Variants in HS6ST3 observed in about 807,000 individuals in gnomAD.
HS6ST3 encodes the protein heparan-sulfate 6-O-sulfotransferase 3.
A neutral mutation model predicts 36.7 loss-of-function variants in HS6ST3; 12 were observed. The ratio of observed to expected loss-of-function variants is 0.33; its 90% CI spans 0.21 to 0.53. HS6ST3 has a LOEUF of 0.53. Ranked by LOEUF, HS6ST3 falls within the 20% of genes least tolerant of loss-of-function variation. The probability of loss-of-function intolerance (pLI) is 0.95; values close to 1 mark genes in which losing one functional copy is unlikely to be tolerated. For synonymous variants in HS6ST3, 240 were observed against 257.5 expected, an observed-to-expected ratio of 0.93 and a Z score of 0.65; for missense variants, 584 against 640.9, an observed-to-expected ratio of 0.91 and a Z score of 0.96.
rs544875574 is a variant in HS6ST3 at position 96,752,061 on chromosome 13, T to C, written c.708-80429T>C. The stretch of plus-strand genomic sequence containing the variant: ...CCTTCCAATGTAACTACTATAACTT[T>C]TAAAAATCATTTCTTGTTTTATAAA... On this transcript the variant is annotated intron_variant, in intron 1 of 1. Transcript: ENST00000376705. Among the ~76,000 whole-genome samples the C allele has an allele frequency of 2.6e-5, 4 of 152,240 alleles. No individual in the cohort carries two copies. The East Asian group carries it at 7.7e-4, about 29-fold the overall frequency.
intron 1 of HS6ST3, among the ~76,000 whole-genome samples, chr13:96,258,835 A>G (rs117275120): frequency 2.0e-5 from 3 of 152,188 alleles, no homozygotes; most frequent in African/African-American, 4.8e-5. Flanking sequence ...AGAAATAGTG[A>G]TGAACGTAGC....
intron 1 of HS6ST3, among the ~76,000 whole-genome samples, chr13:96,514,202 T>C (rs766908050): frequency 1.3e-5 from 2 of 152,132 alleles, no homozygotes; most frequent in South Asian, 2.1e-4. Context: ...GTCATAACCC[T>C]GAGATTCAGT....
chr13:96,198,028 ATCT>A (rs2139349753), intron 1 of HS6ST3, among the ~76,000 whole-genome samples: 1 of 152,258 alleles, frequency 6.6e-6, no homozygotes, highest in African/African-American at 2.4e-5. Context: ...ACTTCCATAC[ATCT>A]TCTGAAATCT....
At chr13:96,571,277 C>T (rs1040856650) in intron 1 of HS6ST3, among the ~76,000 whole-genome samples, 8 of 152,196 alleles carry the variant, frequency 5.3e-5, no homozygotes, top group Admixed American at 1.3e-4. Context: ...CCAGACCATC[C>T]TGCATGTGCA....
intron 1 of HS6ST3, among the ~76,000 whole-genome samples, chr13:96,576,834 C>T (rs2056323235): frequency 6.6e-6 from 1 of 150,698 alleles, no homozygotes; most frequent in Non-Finnish European, 1.5e-5. Flanking sequence ...ATCCCAGCTA[C>T]TCGGGAGCCT....
chr13:96,267,336 G>C (rs1224048993), intron 1 of HS6ST3, among the ~76,000 whole-genome samples: 1 of 152,062 alleles, frequency 6.6e-6, no homozygotes, highest in Non-Finnish European at 1.5e-5. Flanking sequence ...ACATTAACAG[G>C]AAATAGTATT....
intron 1 of HS6ST3, among the ~76,000 whole-genome samples, chr13:96,408,923 C>G (rs959525115): frequency 2.0e-5 from 3 of 147,110 alleles, no homozygotes; most frequent in Non-Finnish European, 4.5e-5. Context: ...GACTCCGTCT[C>G]AAAAAAAAAG....
chr13:96,481,292 T>G (rs1388531676), intron 1 of HS6ST3, among the ~76,000 whole-genome samples: 1 of 152,158 alleles, frequency 6.6e-6, no homozygotes, highest in Non-Finnish European at 1.5e-5. Context: ...AAAAATGTGC[T>G]TGTTAATTTA....
At chr13:96,533,086 A>G (rs2056141984) in intron 1 of HS6ST3, among the ~76,000 whole-genome samples, 1 of 152,206 alleles carries the variant, frequency 6.6e-6, no homozygotes. Context: ...ATTCTCCTTT[A>G]AAGATAAACT....
intron 1 of HS6ST3, among the ~76,000 whole-genome samples, chr13:96,658,256 T>C (rs867194823): frequency 9.6e-5 from 14 of 145,722 alleles, no homozygotes; most frequent in South Asian, 2.2e-4. Context: ...TTCTTCTTCT[T>C]CTCTTCTTCT....
At chr13:96,102,129 T>C (rs960467368) in intron 1 of HS6ST3, among the ~76,000 whole-genome samples, 45 of 152,218 alleles carry the variant, frequency 3.0e-4, no homozygotes, top group African/African-American at 1.1e-3. Flanking sequence ...TTCCTTATTG[T>C]GCCTTCTGTA....
chr13:96,106,696 T>C (rs2053843359), intron 1 of HS6ST3, among the ~76,000 whole-genome samples: 1 of 152,180 alleles, frequency 6.6e-6, no homozygotes, highest in Non-Finnish European at 1.5e-5. Context: ...TACAGGATGG[T>C]TGGTGGAATT....
chr13:96,756,233 A>G (rs1485199467), intron 1 of HS6ST3, among the ~76,000 whole-genome samples: 1 of 152,182 alleles, frequency 6.6e-6, no homozygotes, highest in Admixed American at 6.5e-5. Context: ...AAGGATTTAG[A>G]AAAGTTGTTT....
intron 1 of HS6ST3, among the ~76,000 whole-genome samples, chr13:96,626,247 T>C (rs1486837196): frequency 1.3e-5 from 2 of 152,240 alleles, no homozygotes; most frequent in Non-Finnish European, 1.5e-5. Context: ...GCTACAGTTC[T>C]ATAAAAATAT....
chr13:96,298,138 T>G (rs2054864179), intron 1 of HS6ST3, among the ~76,000 whole-genome samples: 1 of 152,240 alleles, frequency 6.6e-6, no homozygotes, highest in African/African-American at 2.4e-5. Context: ...AGATAATTAC[T>G]GAAATGGTCC....
At chr13:96,256,878 A>G (rs1466619729) in intron 1 of HS6ST3, among the ~76,000 whole-genome samples, 1 of 152,036 alleles carries the variant, frequency 6.6e-6, no homozygotes, top group Admixed American at 6.6e-5. Flanking sequence ...AGAGTGTGCT[A>G]TAAATATTTA....
At chr13:96,810,013 GA>G (rs1878282448) in intron 1 of HS6ST3, among the ~76,000 whole-genome samples, 1 of 152,054 alleles carries the variant, frequency 6.6e-6, no homozygotes, top group African/African-American at 2.4e-5. Flanking sequence ...CAGGACTAAG[GA>G]AAAAAGTGCC....
intron 1 of HS6ST3, among the ~76,000 whole-genome samples, chr13:96,459,710 G>A (rs1285373010): frequency 6.6e-6 from 1 of 152,064 alleles, no homozygotes; most frequent in Non-Finnish European, 1.5e-5. Context: ...TCAGCTCTAG[G>A]TACACACATT....
At chr13:96,382,507 T>C (rs943056273) in intron 1 of HS6ST3, among the ~76,000 whole-genome samples, 1 of 152,224 alleles carries the variant, frequency 6.6e-6, no homozygotes, top group South Asian at 2.1e-4. Context: ...GTCAAGGTCA[T>C]GCTTTCATTC....
Sources: gnomAD v4.1 joint callset for allele counts (sites outside exome capture counted in the v4.1 genomes callset) on GRCh38, gnomAD v4.1.1 for gene constraint, MANE v1.5 for transcripts, NCBI Gene and HGNC (gene_info 2026-07-23, HGNC 2026-07-21) for gene names.